ANKMY1: variants seen among roughly 807,000 people sequenced by gnomAD.
ANKMY1 encodes the protein ankyrin repeat and MYND domain-containing protein 1.
ANKMY1 carries 98 observed loss-of-function variants against 102.0 expected under a neutral mutation model. That is an observed-to-expected ratio of 0.96 (90% confidence interval 0.82 to 1.14). ANKMY1 has a LOEUF of 1.14. Among genes scored for constraint, ANKMY1 ranks in the 50% most tolerant of loss-of-function variants. The pLI is 0.00. For synonymous variants in ANKMY1, 582 were observed against 559.9 expected (o/e 1.04, Z -0.56); for missense variants, 1,330 against 1,347.6 (o/e 0.99, Z 0.20).
At chr2:240,544,468 C>A (rs537874687) in intron 4 of ANKMY1, among the ~76,000 whole-genome samples, 1 of 152,268 alleles carries the variant, frequency 6.6e-6, no homozygotes, top group South Asian at 2.1e-4. Flanking sequence ...ATTAACATTG[C>A]TCAAAGTTAA....
rs573749444 is a variant in ANKMY1 at position 240,557,958 on chromosome 2, C to T, written c.-95G>A. ...CAGCCACCGCGGACGCCCGCGCTCC[C>T]GTCCCGACTGCTTGCCAGCCCTGCG... On this transcript the variant is annotated 5_prime_UTR_variant, in exon 1 of 18. Transcript: ENST00000401804. 155 of 985,684 alleles carry T rather than the reference C, an allele frequency of 1.6e-4. No homozygotes were observed. The African/African-American group carries it at 1.6e-3, about 10-fold the overall frequency. 61.1% of individuals were successfully genotyped at this position (985,684 alleles called of 1,614,324 possible).
intron 8 of ANKMY1, among the ~76,000 whole-genome samples, chr2:240,521,091 A>T (rs1201156972): frequency 6.6e-6 from 1 of 151,882 alleles, no homozygotes; most frequent in Non-Finnish European, 1.5e-5. Context: ...AGAGGCTGGG[A>T]CCAGGTGGGT....
chr2:240,501,928 G>A (rs777401195), intron 13 of ANKMY1, among the ~76,000 whole-genome samples: 5 of 152,316 alleles, frequency 3.3e-5, no homozygotes, highest in Non-Finnish European at 5.9e-5. Context: ...GACCCCCATC[G>A]TCTTCACTCT....
intron 4 of ANKMY1, among the ~76,000 whole-genome samples, chr2:240,539,304 G>A (rs148371146): frequency 1.8e-3 from 265 of 150,492 alleles, no homozygotes; most frequent in Non-Finnish European, 2.9e-3. Context: ...TGGACCAGAG[G>A]AACGAACAAC....
At chr2:240,544,751 G>A (rs1454379954) in intron 4 of ANKMY1, among the ~76,000 whole-genome samples, 5 of 152,178 alleles carry the variant, frequency 3.3e-5, no homozygotes, top group African/African-American at 4.8e-5. Context: ...GGTGACAGAC[G>A]GCACCTGGAA....
At chr2:240,505,291 G>A (rs561122650) in intron 13 of ANKMY1, among the ~76,000 whole-genome samples, 1 of 151,934 alleles carries the variant, frequency 6.6e-6, no homozygotes, top group South Asian at 2.1e-4. Context: ...GTGAAATCCC[G>A]TCTCTACTAA....
chr2:240,560,848 A>AGCCCGGCCCGCGCGC, upstream of ANKMY1: 6 of 1,392,098 alleles, frequency 4.3e-6, no homozygotes, highest in Non-Finnish European at 5.5e-6. Flanking sequence ...TCCCGCCAGC[A>AGCCCGGCCCGCGCGC]GCCCGGCCCG....
At chr2:240,484,533 A>G (rs2151868287) in intron 15 of ANKMY1, among the ~76,000 whole-genome samples, 1 of 152,304 alleles carries the variant, frequency 6.6e-6, no homozygotes, top group Middle Eastern at 3.4e-3. Context: ...CCTTCTTTAC[A>G]CCTTATACAA....
intron 4 of ANKMY1, among the ~76,000 whole-genome samples, chr2:240,532,635 G>C (rs1437822609): frequency 6.6e-6 from 1 of 152,132 alleles, no homozygotes; most frequent in South Asian, 2.1e-4. Context: ...ACTCTTATTA[G>C]GGGTATGACT....
intron 12 of ANKMY1, 166 bp from the exon 13 acceptor site, chr2:240,507,857 C>T (rs1021664481): frequency 1.3e-6 from 1 of 750,598 alleles, no homozygotes; most frequent in East Asian, 3.2e-5. Flanking sequence ...GGTCCCGCTG[C>T]TGGCCTGTCC....
chr2:240,554,520 C>T (rs2092045320), intron 3 of ANKMY1: 2 of 204,606 alleles, frequency 9.8e-6, no homozygotes, highest in Non-Finnish European at 9.9e-6. Context: ...TCTTTTAGAA[C>T]ATTCGCTGCC....
chr2:240,506,883 G>T lies in ANKMY1; in HGVS notation c.2526+677C>A, dbSNP rs555131714. On this transcript the variant is annotated intron_variant, in intron 13 of 17. Transcript: ENST00000401804. This position sits in a 1 kb window ranked among gnomAD's most constrained non-coding sequence, Gnocchi z 4.9. ...GGGACACTCCAGGGACGTGCCTAGG[G>T]CTCAGGACAGAAGGTGTCTCCAGCG... Among the ~76,000 whole-genome samples, 1 of 152,244 alleles carries T rather than the reference G, an allele frequency of 6.6e-6. No homozygotes were observed. Among genetic ancestry groups the T allele is most frequent in the South Asian group, 2.1e-4 (1 of 4,814 alleles).
rs2082771998 is a variant in ANKMY1, at chr2:240,523,712, C to G, written c.1832+173G>C. The G allele has an allele frequency of 1.1e-5, 12 of 1,134,402 alleles. 1 individual carries two copies. In the South Asian group the frequency reaches 1.6e-4, roughly 15 times the overall value. The allele number at this position is 1,134,402 out of a possible 1,614,324, so 70.3% of individuals were successfully genotyped here. A position where few individuals can be genotyped will look rare whatever the true frequency, so the allele number is the denominator to read the frequency against. ...AAACAGCCCGTCACCGTGGCACCCC[C>G]ACAGGGCTGGCCATGGCGTGGAGCC... On this transcript the variant is annotated intron_variant, in intron 8 of 17. Transcript: ENST00000401804.
chr2:240,474,126 C>T, the ANKMY1 span, among the ~76,000 whole-genome samples: 1 of 151,866 alleles, frequency 6.6e-6, no homozygotes, highest in Non-Finnish European at 1.5e-5. Context: ...GACAGAGTCT[C>T]ACTCTGTCGC....
chr2:240,481,032 G>A lies in ANKMY1; in HGVS notation c.2951C>T (p.Pro984Leu), dbSNP rs767852164. 3.0e-5 allele frequency: 48 copies of A among 1,613,876 alleles called. No individual in the cohort carries two copies. In the African/African-American group the frequency reaches 6.0e-4, roughly 20 times the overall value. The change falls in exon 17 of 18, where the codon CCT (proline) becomes CTT (leucine). Residue 984 changes from proline (P) to leucine (L), a missense_variant. Transcript: ENST00000401804. Reference protein sequence around the residue: ...RSIGVRLLPCPRCYGILTCSK... With the variant: ...RSIGVRLLPCLRCYGILTCSK... ...GCAGGTCAGGATCCCGTAGCAGCGAGGGCAGGGCAAGAGGCGGACCCCGAT... is the reference window on the plus strand; with the variant it reads ...GCAGGTCAGGATCCCGTAGCAGCGAAGGCAGGGCAAGAGGCGGACCCCGAT...
chr2:240,520,867 C>T lies in ANKMY1; in HGVS notation c.1833-334G>A, dbSNP rs556513372. The stretch of plus-strand genomic sequence containing the variant: ...AGCGCACACACCATAGCACAGCGCA[C>T]ACCACACAGTACGCACACGGCACAC... On this transcript the variant is annotated intron_variant, in intron 8 of 17. Coordinates refer to ENST00000401804, the MANE Select transcript of ANKMY1 (RefSeq NM_001282771.3). This position sits in a 1 kb window ranked among gnomAD's most constrained non-coding sequence, Gnocchi z 4.8. 7.9e-5 allele frequency among the ~76,000 whole-genome samples: 12 copies of T among 151,736 alleles called. No individual in the cohort carries two copies. The South Asian group carries it at 2.5e-3, about 32-fold the overall frequency.
chr2:240,490,991 C>T (rs1277320868), intron 15 of ANKMY1, among the ~76,000 whole-genome samples: 2 of 151,594 alleles, frequency 1.3e-5, no homozygotes, highest in Non-Finnish European at 2.9e-5. Flanking sequence ...GTAATATTTG[C>T]TTTATGAATC....
At chr2:240,539,407 G>A (rs751658375) in intron 4 of ANKMY1, among the ~76,000 whole-genome samples, 31 of 152,146 alleles carry the variant, frequency 2.0e-4, no homozygotes, top group Admixed American at 5.2e-4. Context: ...TGAAGCCAGC[G>A]AGACCATGAA....
At chr2:240,484,061 C>T (rs768376723) in intron 15 of ANKMY1, among the ~76,000 whole-genome samples, 6 of 152,148 alleles carry the variant, frequency 3.9e-5, no homozygotes, top group Non-Finnish European at 8.8e-5. Flanking sequence ...ATATGTGCCA[C>T]ATTTTCTTTA....
Sources: gnomAD v4.1 joint callset for allele counts (sites outside exome capture counted in the v4.1 genomes callset) on GRCh38, gnomAD v4.1.1 for gene constraint, Gnocchi (gnomAD v3.1) non-coding constraint, MANE v1.5 for transcripts, NCBI Gene and HGNC (gene_info 2026-07-23, HGNC 2026-07-21) for gene names.